Variants in PRSS12 observed in about 807,000 individuals in gnomAD.
PRSS12 encodes neurotrypsin.
Under a neutral mutation model 104.4 loss-of-function variants are expected in PRSS12, and 85 were observed. The ratio of observed to expected loss-of-function variants is 0.81; its 90% confidence interval spans 0.68 to 0.98. PRSS12 has a LOEUF of 0.98. PRSS12 is among the 50% of genes least tolerant of loss of function. PRSS12 has a pLI of 0.00. For missense variants in PRSS12, 1,141 were observed against 1,139.2 expected, an observed-to-expected ratio of 1.00 and a Z score of -0.02; for synonymous variants, 454 against 425.2, an observed-to-expected ratio of 1.07 and a Z score of -0.83.
chr4:118,309,284 A>G (rs1239539421), intron 7 of PRSS12, among the ~76,000 whole-genome samples: 3 of 152,212 alleles, frequency 2.0e-5, no homozygotes, highest in Non-Finnish European at 4.4e-5. Context: ...CACCACACCA[A>G]TAATTATGAT....
At chr4:118,310,690 A>G (rs1336790380) in intron 7 of PRSS12, among the ~76,000 whole-genome samples, 4 of 152,166 alleles carry the variant, frequency 2.6e-5, no homozygotes, top group Non-Finnish European at 5.9e-5. Context: ...ATAATACATT[A>G]TTTTTATAAA....
intron 11 of PRSS12, among the ~76,000 whole-genome samples, chr4:118,294,351 A>G (rs1743202248): frequency 6.6e-6 from 1 of 152,202 alleles, no homozygotes; most frequent in African/African-American, 2.4e-5. Flanking sequence ...AACAAGAGAA[A>G]GTAGAGCCAG....
intron 1 of PRSS12, among the ~76,000 whole-genome samples, chr4:118,350,248 A>C (rs1326316651): frequency 1.3e-5 from 2 of 152,218 alleles, no homozygotes; most frequent in African/African-American, 4.8e-5. Flanking sequence ...GTGCACAGCT[A>C]CTGGCAGAGC....
intron 6 of PRSS12, among the ~76,000 whole-genome samples, chr4:118,314,090 A>T (rs1167697691): frequency 6.6e-6 from 1 of 152,162 alleles, no homozygotes; most frequent in African/African-American, 2.4e-5. Context: ...AAATTAAGTC[A>T]ATCTGCACCT....
At chr4:118,316,837 A>AAAAATATATAT (rs35698159) in intron 5 of PRSS12, among the ~76,000 whole-genome samples, 13,520 of 98,330 alleles carry the variant, frequency 0.14, 1,616 homozygotes, top group Non-Finnish European at 0.2. Flanking sequence ...AAAAAAAAAA[A>AAAAATATATAT]ATATATATAT....
chr4:118,301,303 T>C (rs1445227478), intron 8 of PRSS12, among the ~76,000 whole-genome samples: 1 of 152,220 alleles, frequency 6.6e-6, no homozygotes, highest in Non-Finnish European at 1.5e-5. Context: ...CAGAATTGCC[T>C]TTGAAAACAC....
chr4:118,325,512 C>A (rs1181357411), intron 4 of PRSS12, among the ~76,000 whole-genome samples: 3 of 151,996 alleles, frequency 2.0e-5, no homozygotes, highest in Non-Finnish European at 4.4e-5. Flanking sequence ...GGTTTTCTGG[C>A]TAACTTTTTA....
Position 118,335,725 on chromosome 4 carries a change from A to G in PRSS12, c.642-74T>C. The stretch of plus-strand genomic sequence containing the variant: ...TTTTATCAAAACATTTGGATTTGAA[A>G]AAAAATGGAAGAAATCAACAAAGAT... On this transcript the variant is annotated intron_variant, in intron 2 of 12. Transcript: ENST00000296498. The G allele has an allele frequency of 2.2e-6, 3 of 1,371,352 alleles. No individual in the cohort carries two copies. In the South Asian group the frequency reaches 3.5e-5, roughly 16 times the overall value. 84.9% of individuals were successfully genotyped at this position (1,371,352 alleles called of 1,614,324 possible). A position where few individuals can be genotyped will look rare whatever the true frequency, so the allele number is the denominator to read the frequency against.
chr4:118,319,895 T>G (rs936301572), intron 4 of PRSS12, among the ~76,000 whole-genome samples: 2 of 152,128 alleles, frequency 1.3e-5, no homozygotes, highest in African/African-American at 4.8e-5. Context: ...AGCCTGGTCT[T>G]GAACTCCTGC....
At chr4:118,336,158 TA>T (rs1724060743) in intron 2 of PRSS12, among the ~76,000 whole-genome samples, 2 of 152,192 alleles carry the variant, frequency 1.3e-5, no homozygotes, top group African/African-American at 4.8e-5. Flanking sequence ...CTAAGCACAA[TA>T]ATATCACGGG....
intron 8 of PRSS12, among the ~76,000 whole-genome samples, chr4:118,299,712 TAAATAA>T (rs1249318248): frequency 1.6e-5 from 1 of 63,810 alleles, no homozygotes; most frequent in Non-Finnish European, 3.3e-5. Flanking sequence ...ATAAATAAAA[TAAATAA>T]AATAAAATAA....
chr4:118,289,758 T>C (rs2126026868), intron 11 of PRSS12, among the ~76,000 whole-genome samples: 1 of 152,312 alleles, frequency 6.6e-6, no homozygotes, highest in Middle Eastern at 3.4e-3. Context: ...GTCTATGAAA[T>C]CCGGCAAAGG....
intron 4 of PRSS12, among the ~76,000 whole-genome samples, chr4:118,321,157 G>A (rs909645962): frequency 1.7e-4 from 26 of 152,140 alleles, no homozygotes; most frequent in African/African-American, 5.3e-4. Flanking sequence ...AAATGATATT[G>A]TCAAAATGAC....
At chr4:118,321,661 T>C (rs1159592688) in intron 4 of PRSS12, among the ~76,000 whole-genome samples, 2 of 152,178 alleles carry the variant, frequency 1.3e-5, no homozygotes, top group Non-Finnish European at 1.5e-5. Context: ...ATAAATAACA[T>C]ATTTTTCACT....
chr4:118,332,305 T>C (rs1032431805), intron 3 of PRSS12, among the ~76,000 whole-genome samples: 20 of 152,210 alleles, frequency 1.3e-4, no homozygotes, highest in African/African-American at 4.6e-4. Flanking sequence ...GAATTATCTA[T>C]GCATTTGTAG....
chr4:118,290,419 C>T (rs183276452), intron 11 of PRSS12, among the ~76,000 whole-genome samples: 111 of 152,172 alleles, frequency 7.3e-4, no homozygotes, highest in Non-Finnish European at 5.3e-4. Flanking sequence ...TGCTTAAATT[C>T]AAAGCCCCAA....
At chr4:118,341,660 C>G (rs1724213787) in intron 1 of PRSS12, among the ~76,000 whole-genome samples, 1 of 152,088 alleles carries the variant, frequency 6.6e-6, no homozygotes, top group South Asian at 2.1e-4. Context: ...CCAGCCTGGG[C>G]AACAAGAGCA....
intron 1 of PRSS12, among the ~76,000 whole-genome samples, chr4:118,340,771 C>T (rs1242804863): frequency 1.3e-5 from 2 of 152,070 alleles, no homozygotes; most frequent in East Asian, 3.9e-4. Context: ...GAATGAGGAC[C>T]CAAAGCTATA....
chr4:118,322,580 A>G (rs1723663679), intron 4 of PRSS12, among the ~76,000 whole-genome samples: 2 of 149,886 alleles, frequency 1.3e-5, no homozygotes, highest in Admixed American at 1.3e-4. Context: ...AATAAATTAA[A>G]CAAGGGAACA....
Sources: gnomAD v4.1 joint callset for allele counts (sites outside exome capture counted in the v4.1 genomes callset) on GRCh38, gnomAD v4.1.1 for gene constraint, MANE v1.5 for transcripts, NCBI Gene and HGNC (gene_info 2026-07-23, HGNC 2026-07-21) for gene names.